The following CPAMD8 variants were observed in gnomAD, a reference collection of about 807,000 sequenced individuals.
CPAMD8 encodes C3 and PZP-like alpha-2-macroglobulin domain-containing protein 8.
Under a neutral mutation model 224.7 loss-of-function variants are expected in CPAMD8, and 146 were observed. The ratio of observed to expected loss-of-function variants is 0.65; its 90% CI spans 0.57 to 0.75. The LOEUF is 0.75. Among genes scored for constraint, CPAMD8 ranks in the 30% least tolerant of loss-of-function variants. The pLI, the probability that CPAMD8 is intolerant of heterozygous loss-of-function variation, is 0.00. For missense variants in CPAMD8, 2,301 were observed against 2,537.5 expected, an observed-to-expected ratio of 0.91 and a Z score of 2.00; for synonymous variants, 966 against 1,044.6, an observed-to-expected ratio of 0.92 and a Z score of 1.45.
chr19:16,975,942 G>C (rs2055250044), intron 16 of CPAMD8, 60 bp downstream of exon 16: 2 of 1,421,306 alleles, frequency 1.4e-6, no homozygotes, highest in Admixed American at 2.6e-5. Flanking sequence ...GGGAAAGGGA[G>C]AGCAAGAGAA....
At chr19:16,979,103 T>TCCATCCATCTATCCATCCAA (rs2055391673) in intron 14 of CPAMD8, among the ~76,000 whole-genome samples, 1 of 146,988 alleles carries the variant, frequency 6.8e-6, no homozygotes, top group Non-Finnish European at 1.5e-5. Context: ...CCACCCACTA[T>TCCATCCATCTATCCATCCAA]CCATCCATCT....
At chr19:17,004,180 A>C (rs1439136542) in intron 8 of CPAMD8, 93 bp downstream of exon 8, 14 of 798,324 alleles carry the variant, frequency 1.8e-5, no homozygotes, top group Non-Finnish European at 2.7e-5. Flanking sequence ...TGCTGGGATT[A>C]CAGGCGAGAG....
chr19:16,994,960 C>A (rs2056078979), intron 11 of CPAMD8, among the ~76,000 whole-genome samples: 1 of 152,196 alleles, frequency 6.6e-6, no homozygotes, highest in Non-Finnish European at 1.5e-5. Flanking sequence ...AGCCACCATG[C>A]CCAGCCTAAC....
chr19:16,914,615 G>A, intron 28 of CPAMD8, 42 bp downstream of exon 28: 2 of 1,613,336 alleles, frequency 1.2e-6, no homozygotes, highest in Non-Finnish European at 1.7e-6. Context: ...GGCTCTGGGA[G>A]GAGGTGAGGG....
Position 16,903,607 on chromosome 19 carries a change from G to A in CPAMD8, c.4424C>T (p.Thr1475Met), listed in dbSNP as rs746583525. The A allele has an allele frequency of 2.5e-5, 41 of 1,614,124 alleles. No individual in the cohort carries two copies. Among genetic ancestry groups the A allele is most frequent in the Non-Finnish European group, 3.2e-5 (38 of 1,180,018 alleles). ...CCCCTTGGCACTCACAAACAGCCCC[G>A]TGGGGAGGCTGGGGATCTGGAGACA... Reference protein sequence around the residue: ...LQTAAIPSLPTGLFVSAKGDG... With the variant: ...LQTAAIPSLPMGLFVSAKGDG... The change falls in exon 34 of 42, where the codon ACG becomes ATG. Residue 1475 changes from threonine to methionine, a missense_variant. By Grantham distance (81) the Thr-to-Met change is moderately conservative (BLOSUM62 -1). Transcript: ENST00000443236.
At chr19:16,919,021 G>A (rs895681546) in intron 27 of CPAMD8, among the ~76,000 whole-genome samples, 6 of 151,904 alleles carry the variant, frequency 3.9e-5, no homozygotes, top group African/African-American at 1.5e-4. Context: ...TGGGCAACAT[G>A]GTGAAATCCT....
intron 12 of CPAMD8, among the ~76,000 whole-genome samples, chr19:16,991,182 G>T (rs540132896): frequency 6.6e-6 from 1 of 152,126 alleles, no homozygotes; most frequent in East Asian, 1.9e-4. Context: ...TACATATCCT[G>T]GTTCTGTGCA....
rs370838723 is a variant in CPAMD8, at chr19:16,901,207, C to T, written c.4773+3G>A. ...CCACCGCTGCTCACCGGCGCTGCCTCACCTGCTCCAGGCTCTCGATGTCTG... is the reference window on the plus strand; with the variant it reads ...CCACCGCTGCTCACCGGCGCTGCCTTACCTGCTCCAGGCTCTCGATGTCTG... On this transcript the variant is annotated splice_donor_region_variant and intron_variant, in intron 36 of 41. Coordinates refer to ENST00000443236, the MANE Select transcript of CPAMD8 (RefSeq NM_015692.5). 3.8e-5 allele frequency: 61 copies of T among 1,604,722 alleles called. No individual in the cohort carries two copies. In the African/African-American group the frequency reaches 7.6e-4, roughly 20 times the overall value.
chr19:17,001,747 G>C (rs1473255107), intron 9 of CPAMD8, among the ~76,000 whole-genome samples: 2 of 151,570 alleles, frequency 1.3e-5, no homozygotes, highest in African/African-American at 4.9e-5. Flanking sequence ...AGAAGTGTCT[G>C]CCTGTAGGAG....
chr19:17,022,658 C>A (rs2056990243), intron 1 of CPAMD8, among the ~76,000 whole-genome samples: 1 of 152,076 alleles, frequency 6.6e-6, no homozygotes, highest in Non-Finnish European at 1.5e-5. Context: ...GCCACCACGG[C>A]CGGCTAATTT....
chr19:17,001,122 G>A (rs2056300250), intron 9 of CPAMD8, among the ~76,000 whole-genome samples: 1 of 151,972 alleles, frequency 6.6e-6, no homozygotes, highest in East Asian at 1.9e-4. Flanking sequence ...AGGAGTTCGA[G>A]ACCAGCCTGG....
chr19:16,941,908 G>T (rs1480041688), intron 22 of CPAMD8, among the ~76,000 whole-genome samples: 3 of 152,174 alleles, frequency 2.0e-5, no homozygotes, highest in Non-Finnish European at 4.4e-5. Context: ...GGAGGCTGGA[G>T]GTTGCAATGA....
intron 23 of CPAMD8, among the ~76,000 whole-genome samples, chr19:16,934,063 G>T (rs2053618477): frequency 6.6e-6 from 1 of 152,070 alleles, no homozygotes; most frequent in Non-Finnish European, 1.5e-5. Flanking sequence ...TATCCTGAAA[G>T]AAACCAGACA....
intron 23 of CPAMD8, among the ~76,000 whole-genome samples, chr19:16,936,123 T>C (rs1276524090): frequency 6.6e-6 from 1 of 151,906 alleles, no homozygotes; most frequent in Non-Finnish European, 1.5e-5. Context: ...AGACAGGGTC[T>C]CATCATGTTG....
intron 28 of CPAMD8, 58 bp downstream of exon 28, chr19:16,914,599 G>A (rs1362861301): frequency 6.2e-7 from 1 of 1,612,970 alleles, no homozygotes; most frequent in Non-Finnish European, 8.5e-7. Context: ...GGCAGGTCAG[G>A]GCTGGGGCTC....
At chr19:16,976,800 G>C (rs143862934) in intron 15 of CPAMD8, among the ~76,000 whole-genome samples, 1,601 of 152,024 alleles carry the variant, frequency 0.011, 34 homozygotes, top group African/African-American at 0.028. Flanking sequence ...CCAGCACTTC[G>C]GGAGGCTGAA....
At chr19:16,972,110 G>A (rs1054627118) in intron 17 of CPAMD8, among the ~76,000 whole-genome samples, 6 of 152,050 alleles carry the variant, frequency 3.9e-5, no homozygotes, top group Admixed American at 2.6e-4. Flanking sequence ...GAAATCAGTT[G>A]GCGCAGTACC....
intron 22 of CPAMD8, among the ~76,000 whole-genome samples, chr19:16,938,965 A>G (rs1226020816): frequency 6.6e-6 from 1 of 152,036 alleles, no homozygotes; most frequent in Non-Finnish European, 1.5e-5. Context: ...GACCCCAAAT[A>G]CCAGAAGGCA....
intron 18 of CPAMD8, among the ~76,000 whole-genome samples, chr19:16,966,960 A>G (rs1309444497): frequency 2.6e-5 from 4 of 152,164 alleles, no homozygotes; most frequent in Non-Finnish European, 4.4e-5. Context: ...AACTAGAAAT[A>G]CCATTTCACC....
Sources: allele counts gnomAD v4.1 joint callset (sites outside exome capture counted in the v4.1 genomes callset), GRCh38; gene constraint gnomAD v4.1.1; transcripts MANE v1.5; gene names NCBI Gene and HGNC (gene_info 2026-07-23, HGNC 2026-07-21).